Variants in EXO1 observed in about 807,000 individuals in gnomAD.
EXO1 encodes the protein exonuclease 1.
In EXO1, 69 loss-of-function variants were observed where a neutral mutation model predicts 84.5. The ratio of observed to expected loss-of-function variants is 0.82; its 90% confidence interval spans 0.67 to 1.00. EXO1 has a LOEUF of 1.00. Ranked by LOEUF, EXO1 falls within the 50% of genes least tolerant of loss-of-function variation. EXO1 has a pLI of 0.00. For synonymous variants in EXO1, 373 were observed against 366.1 expected (o/e 1.02, Z -0.21); for missense variants, 1,045 against 1,000.7 (o/e 1.04, Z -0.60).
At chr1:241,867,109 A>T in intron 11 of EXO1, 54 bp downstream of exon 11, 1 of 1,310,086 alleles carries the variant, frequency 7.6e-7, no homozygotes, top group Non-Finnish European at 1.1e-6. Flanking sequence ...ATTTAAAGAA[A>T]TCATTGCCCA....
intron 11 of EXO1, among the ~76,000 whole-genome samples, chr1:241,868,431 G>GCT (rs1057177251): frequency 2.0e-5 from 3 of 149,578 alleles, no homozygotes; most frequent in African/African-American, 7.4e-5. Context: ...ATTCTCCAAA[G>GCT]CTGCAGCTTC....
intron 15 of EXO1, among the ~76,000 whole-genome samples, chr1:241,885,754 A>G (rs1663029381): frequency 6.6e-6 from 1 of 152,160 alleles, no homozygotes; most frequent in Admixed American, 6.5e-5. Flanking sequence ...TCTGATGTGA[A>G]GCAAATTGCT....
Position 241,878,765 on chromosome 1 carries a change from G to C in EXO1, c.1531G>C (p.Asp511His). Residue 511 changes from aspartate to histidine, a missense_variant, in exon 13 of 16, where the codon GAT becomes CAT. Transcript: ENST00000366548. ...GTRSRFFCSS[D>H]STDCVSNKVS... ...TTTTATTAGGTTTTTTTGCAGTTCAGATTCTACTGACTGTGTATCAAACAA... is the reference window on the plus strand; with the variant it reads ...TTTTATTAGGTTTTTTTGCAGTTCACATTCTACTGACTGTGTATCAAACAA... 1 of 1,611,912 alleles carries C rather than the reference G, an allele frequency of 6.2e-7. No homozygotes were observed.
intron 11 of EXO1, among the ~76,000 whole-genome samples, chr1:241,868,198 A>T (rs1304963560): frequency 6.6e-6 from 1 of 152,020 alleles, no homozygotes; most frequent in Non-Finnish European, 1.5e-5. Context: ...AACATGGCAA[A>T]ACCCCATCTC....
rs555346156 is a variant in EXO1, at chr1:241,855,619, C to T, written c.406-1726C>T. Among the ~76,000 whole-genome samples, 5 of 152,266 alleles carry T rather than the reference C, an allele frequency of 3.3e-5. No homozygotes were observed. In the South Asian group the frequency reaches 6.2e-4, roughly 19 times the overall value. On this transcript the variant is annotated intron_variant, in intron 6 of 15. Coordinates refer to ENST00000366548, the MANE Select transcript of EXO1 (RefSeq NM_130398.4). ...TTGGGTGGTGGATGAGACTGGGCGC[C>T]GTGGAGCAGGGGGTGGTGCTCGTTG... is the stretch of plus-strand genomic sequence containing the variant.
intron 10 of EXO1, among the ~76,000 whole-genome samples, chr1:241,865,215 CTTTTTT>C (rs76945375): frequency 7.2e-6 from 1 of 138,056 alleles, no homozygotes; most frequent in Admixed American, 7.5e-5. Context: ...TTGAATATCT[CTTTTTT>C]TTTTTTTTTG....
rs150840847 is a variant in EXO1 at position 241,874,864 on chromosome 1, C to T, written c.1514+2586C>T. 2.3e-3 allele frequency among the ~76,000 whole-genome samples: 352 copies of T among 152,116 alleles called. 1 individual carries two copies. The highest frequency in any genetic ancestry group is 8.0e-3 in the African/African-American group (333 of 41,490). On this transcript the variant is annotated intron_variant, in intron 12 of 15. Coordinates refer to ENST00000366548, the MANE Select transcript of EXO1 (RefSeq NM_130398.4). The stretch of plus-strand genomic sequence containing the variant: ...ATGTTGACTTTAGATGGTGGTGCCA[C>T]AACATGAAAAAGGAAATGTAAGTGT...
chr1:241,860,476 T>A, intron 8 of EXO1, 41 bp from the exon 9 acceptor site: 2 of 1,416,438 alleles, frequency 1.4e-6, no homozygotes, highest in South Asian at 2.3e-5. Context: ...ATGTTCCCTG[T>A]TCTTTAGTTG....
chr1:241,879,040 G>A lies in EXO1; in HGVS notation c.1806G>A (p.Leu602=), dbSNP rs774022000. ...KFTRTISPPT[L]GTLRSCFSWS... The stretch of plus-strand genomic sequence containing the variant: ...CAAGGACCATTTCACCACCCACTTT[G>A]GGAACACTAAGAAGTTGTTTTAGTT... Residue 602 remains leucine (L), a synonymous_variant, in exon 13 of 16, where the codon TTG becomes TTA. Transcript: ENST00000366548. 2 of 1,614,176 alleles carry A rather than the reference G, an allele frequency of 1.2e-6. No homozygotes were observed. The highest frequency in any genetic ancestry group is 2.2e-5 in the East Asian group (1 of 44,884).
At chr1:241,880,023 AAAAAG>A (rs1052689727) in intron 13 of EXO1, among the ~76,000 whole-genome samples, 10 of 151,972 alleles carry the variant, frequency 6.6e-5, no homozygotes, top group Admixed American at 6.6e-4. Context: ...AAAAAGAAAA[AAAAAG>A]AGACCTTATA....
At chr1:241,859,629 A>G (rs1241858172) in intron 8 of EXO1, among the ~76,000 whole-genome samples, 1 of 152,160 alleles carries the variant, frequency 6.6e-6, no homozygotes, top group Non-Finnish European at 1.5e-5. Context: ...AAATATTCCA[A>G]AATCTGAAAA....
At chr1:241,888,271 A>T (rs1663178416) in intron 15 of EXO1, among the ~76,000 whole-genome samples, 1 of 152,168 alleles carries the variant, frequency 6.6e-6, no homozygotes. Flanking sequence ...TGTAAAGTAT[A>T]CCAAAGGGTT....
In EXO1 at chr1:241,853,472, A is replaced by G; in HGVS notation, c.396A>G (p.Lys132=). ...SINITHAMAH[K]VIKAARSQGV... is the part of the protein sequence containing the mutation. Reference sequence around the variant, plus strand: ...ATATCACACATGCCATGGCCCACAAAGTAATTAAAGTAAGACAAAGGGGCA... The same window carrying G: ...ATATCACACATGCCATGGCCCACAAGGTAATTAAAGTAAGACAAAGGGGCA... The change falls in exon 6 of 16, where the codon AAA becomes AAG. Residue 132 remains lysine (K), a synonymous_variant. Coordinates refer to ENST00000366548, the MANE Select transcript of EXO1 (RefSeq NM_130398.4). The G allele has an allele frequency of 6.2e-7, 1 of 1,614,074 alleles. No individual in the cohort carries two copies. Among genetic ancestry groups the G allele is most frequent in the Non-Finnish European group, 8.5e-7 (1 of 1,179,990 alleles).
chr1:241,865,695 A>G (rs556392220), intron 10 of EXO1, among the ~76,000 whole-genome samples: 17 of 152,324 alleles, frequency 1.1e-4, no homozygotes, highest in African/African-American at 4.1e-4. Context: ...TATAGGAACC[A>G]TAATTGTACA....
intron 14 of EXO1, among the ~76,000 whole-genome samples, chr1:241,883,284 C>T (rs1662873379): frequency 6.6e-6 from 1 of 152,146 alleles, no homozygotes; most frequent in African/African-American, 2.4e-5. Flanking sequence ...TAACAGAATA[C>T]CAGAAACTGG....
intron 6 of EXO1, among the ~76,000 whole-genome samples, chr1:241,855,238 C>G (rs568742932): frequency 6.6e-6 from 1 of 152,082 alleles, no homozygotes; most frequent in East Asian, 1.9e-4. Context: ...CTGATTGGTG[C>G]GTTTACAATC....
intron 4 of EXO1, 73 bp from the exon 5 acceptor site, chr1:241,852,219 T>A (rs574318734): frequency 1.0e-4 from 136 of 1,343,232 alleles, no homozygotes; most frequent in Non-Finnish European, 1.1e-4. Flanking sequence ...AGTTTTCTCA[T>A]CTGGCCTAAA....
chr1:241,850,199 T>A (rs1660578623), intron 3 of EXO1, among the ~76,000 whole-genome samples: 1 of 151,566 alleles, frequency 6.6e-6, no homozygotes, highest in African/African-American at 2.4e-5. Context: ...GAGAATGGCG[T>A]GAACCCGGGA....
chr1:241,865,941 G>T (rs1661688124), intron 10 of EXO1, among the ~76,000 whole-genome samples: 1 of 152,076 alleles, frequency 6.6e-6, no homozygotes, highest in East Asian at 1.9e-4. Context: ...TTCTTTAAGT[G>T]AAAGGCTTTG....
Sources: gnomAD v4.1 joint callset for allele counts (sites outside exome capture counted in the v4.1 genomes callset) on GRCh38, gnomAD v4.1.1 for gene constraint, MANE v1.5 for transcripts, NCBI Gene and HGNC (gene_info 2026-07-23, HGNC 2026-07-21) for gene names.